Variants in NKAIN3 observed in about 807,000 individuals in gnomAD.
NKAIN3 encodes sodium/potassium transporting ATPase interacting 3.
A neutral mutation model predicts 30.2 loss-of-function variants in NKAIN3; 25 were observed. The observed-to-expected ratio is 0.83, with a 90% CI of 0.60 to 1.16. The LOEUF (loss-of-function observed/expected upper bound fraction) is 1.16. Among genes scored for constraint, NKAIN3 ranks in the 50% most tolerant of loss-of-function variants. The probability of loss-of-function intolerance (pLI) is 0.00; values close to 1 mark genes in which losing one functional copy is unlikely to be tolerated. For missense variants in NKAIN3, 225 were observed against 254.1 expected (o/e 0.89, Z 0.78); for synonymous variants, 91 against 89.6 (o/e 1.02, Z -0.09).
chr8:62,484,001 C>A (rs1400168770), intron 1 of NKAIN3, among the ~76,000 whole-genome samples: 1 of 152,170 alleles, frequency 6.6e-6, no homozygotes, highest in African/African-American at 2.4e-5. Context: ...TTAGTAGACA[C>A]GCCAAGTGAA....
intron 4 of NKAIN3, among the ~76,000 whole-genome samples, chr8:62,799,252 C>G (rs915042794): frequency 6.6e-6 from 1 of 152,166 alleles, no homozygotes; most frequent in African/African-American, 2.4e-5. Flanking sequence ...GCAGAGTTAA[C>G]AGACAACCCA....
intron 6 of NKAIN3, among the ~76,000 whole-genome samples, chr8:62,955,070 G>GC (rs1585618886): frequency 6.6e-6 from 1 of 152,254 alleles, no homozygotes; most frequent in East Asian, 1.9e-4. Context: ...CAAATATGCA[G>GC]CTCCCTCACC....
At chr8:62,865,963 T>A (rs1174797484) in intron 4 of NKAIN3, among the ~76,000 whole-genome samples, 1 of 152,280 alleles carries the variant, frequency 6.6e-6, no homozygotes, top group African/African-American at 2.4e-5. Flanking sequence ...ATTGGATTTT[T>A]AAAAAAGTGG....
At position 62,970,005 on chromosome 8, in the gene NKAIN3, G is replaced by A. The variant is rs1453057226; in HGVS notation, c.*4598G>A. Among the ~76,000 whole-genome samples the A allele has an allele frequency of 2.6e-5, 4 of 151,910 alleles. No homozygotes were observed. Among genetic ancestry groups the A allele is most frequent in the African/African-American group, 9.7e-5 (4 of 41,338 alleles). ...AGGCCAGGAGTTCAAGACCAGCTTGGGCAAAATAGTGAGACCGTATCTCTA... is the reference window on the plus strand; with the variant it reads ...AGGCCAGGAGTTCAAGACCAGCTTGAGCAAAATAGTGAGACCGTATCTCTA... On this transcript the variant is annotated 3_prime_UTR_variant, in exon 7 of 7. Transcript: ENST00000623646.
At chr8:62,769,828 C>T (rs1225421333) in intron 4 of NKAIN3, among the ~76,000 whole-genome samples, 2 of 152,158 alleles carry the variant, frequency 1.3e-5, no homozygotes, top group East Asian at 3.9e-4. Flanking sequence ...ATTCAACAGT[C>T]CTCTCTGAAA....
chr8:62,860,022 G>A (rs559902694), intron 4 of NKAIN3, among the ~76,000 whole-genome samples: 12 of 152,296 alleles, frequency 7.9e-5, no homozygotes, highest in South Asian at 4.1e-4. Context: ...ATGTTGAGGG[G>A]AGGAGAAGGA....
chr8:62,816,287 G>A (rs1290070113), intron 4 of NKAIN3, among the ~76,000 whole-genome samples: 1 of 152,166 alleles, frequency 6.6e-6, no homozygotes, highest in East Asian at 1.9e-4. Flanking sequence ...GATTTGTTCA[G>A]CTGTAATAAA....
At chr8:62,615,237 T>G (rs1811415932) in intron 3 of NKAIN3, among the ~76,000 whole-genome samples, 1 of 152,026 alleles carries the variant, frequency 6.6e-6, no homozygotes, top group African/African-American at 2.4e-5. Context: ...CAGGACTGGG[T>G]CCTTTCCTTC....
chr8:62,291,335 G>A (rs1053696557), intron 1 of NKAIN3, among the ~76,000 whole-genome samples: 28 of 152,156 alleles, frequency 1.8e-4, no homozygotes, highest in South Asian at 1.7e-3. Context: ...ATGTTAGGGT[G>A]TCAATTTTAC....
intron 1 of NKAIN3, among the ~76,000 whole-genome samples, chr8:62,509,388 T>A (rs75229994): frequency 2.8e-3 from 427 of 152,262 alleles, no homozygotes; most frequent in Non-Finnish European, 4.8e-3. Context: ...CAGCCCTAGT[T>A]CTTTTCCTCC....
Position 62,253,121 on chromosome 8 carries a change from C to T in NKAIN3, c.54+3994C>T, listed in dbSNP as rs146876309. ...TATTATTACCCATGGACATTCATTG[C>T]ACCTTTCATCACTTCAAGGTGAAAT... On this transcript the variant is annotated intron_variant, in intron 1 of 6. Coordinates refer to ENST00000623646, the MANE Select transcript of NKAIN3 (RefSeq NM_001304533.3). Among the ~76,000 whole-genome samples, 85 of 152,320 alleles carry T rather than the reference C, an allele frequency of 5.6e-4. No individual in the cohort carries two copies. The East Asian group carries it at 0.014, about 26-fold the overall frequency.
intron 3 of NKAIN3, among the ~76,000 whole-genome samples, chr8:62,659,831 TA>T (rs1191049601): frequency 6.6e-6 from 1 of 152,106 alleles, no homozygotes; most frequent in African/African-American, 2.4e-5. Context: ...TGATAGTGAA[TA>T]AGTCTCATGA....
rs1823749636 is a variant in NKAIN3 at position 62,967,980 on chromosome 8, C to T, written c.*2573C>T. ...CCTTAGTGATTTGTCTATGAATATT[C>T]AATGTAGGCAACTATTTAATATGGT... is the stretch of plus-strand genomic sequence containing the variant. On this transcript the variant is annotated 3_prime_UTR_variant, in exon 7 of 7. Coordinates refer to ENST00000623646, the MANE Select transcript of NKAIN3 (RefSeq NM_001304533.3). Among the ~76,000 whole-genome samples, 1 of 152,142 alleles carries T rather than the reference C, an allele frequency of 6.6e-6. No homozygotes were observed. Among genetic ancestry groups the T allele is most frequent in the African/African-American group, 2.4e-5 (1 of 41,428 alleles).
At chr8:62,276,511 T>TACTAATGAG (rs1812968314) in intron 1 of NKAIN3, among the ~76,000 whole-genome samples, 1 of 152,232 alleles carries the variant, frequency 6.6e-6, no homozygotes, top group Non-Finnish European at 1.5e-5. Flanking sequence ...TCAAGCTCTG[T>TACTAATGAG]ACTAATGAGC....
chr8:62,301,960 G>A (rs1814063882), intron 1 of NKAIN3, among the ~76,000 whole-genome samples: 1 of 152,012 alleles, frequency 6.6e-6, no homozygotes, highest in South Asian at 2.1e-4. Context: ...GTACCATTTG[G>A]AAATTCTTGG....
chr8:62,436,996 T>C (rs1805192310), intron 1 of NKAIN3, among the ~76,000 whole-genome samples: 1 of 152,188 alleles, frequency 6.6e-6, no homozygotes, highest in Non-Finnish European at 1.5e-5. Flanking sequence ...TGAAAGATTG[T>C]TTAGATTCTT....
At chr8:62,641,059 C>T (rs1256164835) in intron 3 of NKAIN3, among the ~76,000 whole-genome samples, 2 of 151,792 alleles carry the variant, frequency 1.3e-5, no homozygotes, top group Admixed American at 1.3e-4. Flanking sequence ...CTAACACCAG[C>T]AGCACAAGTA....
chr8:62,864,117 G>A (rs1217514730), intron 4 of NKAIN3: 2 of 627,514 alleles, frequency 3.2e-6, no homozygotes, highest in Admixed American at 5.8e-5. Flanking sequence ...GGGGCTTCGC[G>A]GAGGTGATGG....
intron 3 of NKAIN3, among the ~76,000 whole-genome samples, chr8:62,664,326 G>A (rs1813031925): frequency 6.6e-6 from 1 of 152,036 alleles, no homozygotes; most frequent in Non-Finnish European, 1.5e-5. Flanking sequence ...ATTTCTCTGT[G>A]CCATAACAGG....
Sources: allele counts gnomAD v4.1 joint callset (sites outside exome capture counted in the v4.1 genomes callset), GRCh38; gene constraint gnomAD v4.1.1; transcripts MANE v1.5; gene names NCBI Gene and HGNC (gene_info 2026-07-23, HGNC 2026-07-21).